Variants in RTN1 observed in about 807,000 individuals in gnomAD.
The protein encoded by RTN1 is reticulon-1.
RTN1 carries 25 observed loss-of-function variants against 65.5 expected under a neutral mutation model. The ratio of observed to expected loss-of-function variants is 0.38; its 90% confidence interval spans 0.28 to 0.53. RTN1 has a LOEUF of 0.53. Among genes scored for constraint, RTN1 ranks in the 20% least tolerant of loss-of-function variants. The pLI, the probability that RTN1 is intolerant of heterozygous loss-of-function variation, is 0.79. For missense variants in RTN1, 983 were observed against 1,025.4 expected, an observed-to-expected ratio of 0.96 and a Z score of 0.57; for synonymous variants, 471 against 447.6, an observed-to-expected ratio of 1.05 and a Z score of -0.66.
intron 1 of RTN1, among the ~76,000 whole-genome samples, chr14:59,840,155 C>T (rs533673800): frequency 1.3e-5 from 2 of 152,108 alleles, no homozygotes; most frequent in Non-Finnish European, 2.9e-5. Context: ...TTAAAACACT[C>T]ATTTTTTAGT....
intron 1 of RTN1, among the ~76,000 whole-genome samples, chr14:59,826,112 AAGAG>A (rs1311608591): frequency 3.3e-5 from 5 of 152,124 alleles, no homozygotes; most frequent in Non-Finnish European, 7.4e-5. Flanking sequence ...AACAAGAAAA[AAGAG>A]AGAGAGAGAA....
intron 1 of RTN1, among the ~76,000 whole-genome samples, chr14:59,857,347 A>C (rs968250078): frequency 6.6e-6 from 1 of 152,128 alleles, no homozygotes; most frequent in Admixed American, 6.6e-5. Context: ...TTCTTTATCT[A>C]CAGTTGCCAA....
intron 1 of RTN1, among the ~76,000 whole-genome samples, chr14:59,767,667 C>T (rs972758258): frequency 6.6e-6 from 1 of 152,112 alleles, no homozygotes; most frequent in African/African-American, 2.4e-5. Flanking sequence ...AGATAAGATG[C>T]TCAGGCCTCT....
At chr14:59,641,665 CA>C in intron 3 of RTN1, among the ~76,000 whole-genome samples, 1 of 152,302 alleles carries the variant, frequency 6.6e-6, no homozygotes, top group Admixed American at 6.5e-5. Flanking sequence ...GCCACCATGC[CA>C]GGCCTCTTTT....
chr14:59,666,783 T>C (rs143476218), intron 3 of RTN1, among the ~76,000 whole-genome samples: 56,779 of 151,466 alleles, frequency 0.37, 11,759 homozygotes, highest in East Asian at 0.47. Context: ...CCCACAGAAA[T>C]ACAGACTATC....
intron 8 of RTN1, among the ~76,000 whole-genome samples, chr14:59,599,805 C>T (rs1329880016): frequency 6.6e-6 from 1 of 152,110 alleles, no homozygotes; most frequent in Non-Finnish European, 1.5e-5. Flanking sequence ...ATCTTTCTTT[C>T]TTCTCATTTG....
intron 3 of RTN1, among the ~76,000 whole-genome samples, chr14:59,637,477 G>T (rs982327969): frequency 1.3e-5 from 2 of 152,290 alleles, no homozygotes; most frequent in African/African-American, 4.8e-5. Context: ...ACTTTGGGAG[G>T]CTGAGGCAGG....
chr14:59,681,903 G>A (rs1164034745), intron 3 of RTN1, among the ~76,000 whole-genome samples: 2 of 152,056 alleles, frequency 1.3e-5, no homozygotes, highest in Non-Finnish European at 2.9e-5. Context: ...AGCTGCTACA[G>A]CTTTAGTTTA....
chr14:59,680,115 C>T (rs1408444790), intron 3 of RTN1, among the ~76,000 whole-genome samples: 1 of 152,152 alleles, frequency 6.6e-6, no homozygotes, highest in African/African-American at 2.4e-5. Context: ...GGGAGCTGAG[C>T]AGTGCTCCTC....
chr14:59,791,887 A>G (rs971837950), intron 1 of RTN1, among the ~76,000 whole-genome samples: 1 of 152,124 alleles, frequency 6.6e-6, no homozygotes, highest in Non-Finnish European at 1.5e-5. Context: ...CACCGAGGGC[A>G]TAGGGGGAGC....
intron 1 of RTN1, among the ~76,000 whole-genome samples, chr14:59,810,382 G>T (rs999177088): frequency 2.6e-5 from 4 of 152,122 alleles, no homozygotes; most frequent in Non-Finnish European, 4.4e-5. Flanking sequence ...TTATTTGGGG[G>T]TTAAGACACT....
At chr14:59,636,390 G>C (rs1882665968) in intron 3 of RTN1, among the ~76,000 whole-genome samples, 1 of 152,086 alleles carries the variant, frequency 6.6e-6, no homozygotes, top group Admixed American at 6.6e-5. Context: ...CATGTGATGT[G>C]CCTGCTCCCA....
chr14:59,719,566 T>C (rs559910113), intron 3 of RTN1, among the ~76,000 whole-genome samples: 1 of 152,346 alleles, frequency 6.6e-6, no homozygotes, highest in East Asian at 1.9e-4. Context: ...CTATGCCATA[T>C]TGGTTGAATC....
chr14:59,715,650 AC>A (rs1356919563), intron 3 of RTN1, among the ~76,000 whole-genome samples: 1 of 152,052 alleles, frequency 6.6e-6, no homozygotes, highest in Non-Finnish European at 1.5e-5. Context: ...AAATGGTGAA[AC>A]CCCATCTCTA....
intron 1 of RTN1, among the ~76,000 whole-genome samples, chr14:59,842,891 G>A (rs747742594): frequency 1.3e-5 from 2 of 152,142 alleles, no homozygotes; most frequent in Non-Finnish European, 2.9e-5. Flanking sequence ...AAATAAGAAT[G>A]CAAAATGGTA....
At chr14:59,662,900 G>A (rs546743661) in intron 3 of RTN1, among the ~76,000 whole-genome samples, 301 of 152,112 alleles carry the variant, frequency 2.0e-3, no homozygotes, top group Non-Finnish European at 2.5e-3. Flanking sequence ...TTTCTTCACC[G>A]AATTAGAAAA....
At position 59,851,576 on chromosome 14, in the gene RTN1, T is replaced by G. The variant is rs142278832; in HGVS notation, c.241+18814A>C. ...ATGTTATTCATAAGAATAAACCAAT[T>G]TGGCCAGGCGTGGTGGCTCACGCCT... On this transcript the variant is annotated intron_variant, in intron 1 of 8. Transcript: ENST00000267484. Among the ~76,000 whole-genome samples the G allele has an allele frequency of 3.1e-3, 471 of 152,286 alleles. 3 individuals carry two copies. The highest frequency in any genetic ancestry group is 0.02 in the Middle Eastern group (6 of 294).
intron 1 of RTN1, among the ~76,000 whole-genome samples, chr14:59,787,907 C>T (rs911434292): frequency 6.6e-6 from 1 of 152,132 alleles, no homozygotes; most frequent in African/African-American, 2.4e-5. Flanking sequence ...TAGCCTAAAT[C>T]GATTTCTATA....
At chr14:59,718,021 A>G (rs1159794879) in intron 3 of RTN1, among the ~76,000 whole-genome samples, 1 of 152,238 alleles carries the variant, frequency 6.6e-6, no homozygotes, top group Non-Finnish European at 1.5e-5. Context: ...TGCTTCCGAT[A>G]TAAATGGTCT....
Sources: gnomAD v4.1 joint callset for allele counts (sites outside exome capture counted in the v4.1 genomes callset) on GRCh38, gnomAD v4.1.1 for gene constraint, MANE v1.5 for transcripts, NCBI Gene and HGNC (gene_info 2026-07-23, HGNC 2026-07-21) for gene names.